Variants in PCID2 observed in about 807,000 individuals in gnomAD.
PCID2 encodes the protein PCI domain containing 2, also known as PCI domain-containing protein 2.
Under a neutral mutation model 61.3 loss-of-function variants are expected in PCID2, and 41 were observed. The ratio of observed to expected loss-of-function variants is 0.67; its 90% CI spans 0.52 to 0.87. PCID2 has a LOEUF of 0.87. PCID2 is among the 40% of genes least tolerant of loss of function. The probability of loss-of-function intolerance (pLI) is 0.00; values close to 1 mark genes in which losing one functional copy is unlikely to be tolerated. For missense variants in PCID2, 392 were observed against 493.4 expected, an observed-to-expected ratio of 0.79 and a Z score of 1.95; for synonymous variants, 187 against 177.8, an observed-to-expected ratio of 1.05 and a Z score of -0.41.
chr13:113,185,503 C>T lies in PCID2; in HGVS notation c.525G>A (p.Leu175=). The part of the protein sequence containing the change: ...KWGMLFLVNQ[L]FKIYFKINKL... ...AGCACACCTTGAAGTAGATTTTAAA[C>T]AGCTGGTTCACCAGAAACAGCATGC... The change falls in exon 8 of 14, where the codon CTG becomes CTA. Residue 175 remains leucine, a synonymous_variant. Transcript: ENST00000337344. 6.2e-7 allele frequency: 1 copy of T among 1,612,032 alleles called. No homozygotes were observed. Among genetic ancestry groups the T allele is most frequent in the Non-Finnish European group, 8.5e-7 (1 of 1,178,076 alleles).
At chr13:113,190,814 G>T in intron 7 of PCID2, 58 bp downstream of exon 7, 2 of 957,656 alleles carry the variant, frequency 2.1e-6, no homozygotes, top group Non-Finnish European at 3.3e-6. Flanking sequence ...AAGGGTGAAC[G>T]CTGCAATGAA....
At chr13:113,202,950 T>C (rs1301298030) in intron 1 of PCID2, among the ~76,000 whole-genome samples, 2 of 152,162 alleles carry the variant, frequency 1.3e-5, no homozygotes, top group East Asian at 1.9e-4. Context: ...TTTGTGGAAT[T>C]TGACTGTCCT....
chr13:113,165,080 C>G, the PCID2 span: 9 of 1,613,052 alleles, frequency 5.6e-6, no homozygotes, highest in East Asian at 2.0e-4. Flanking sequence ...GTGCTGACCT[C>G]TGAGAAGCGT....
intron 9 of PCID2, among the ~76,000 whole-genome samples, chr13:113,182,820 T>C (rs1406685092): frequency 1.3e-5 from 2 of 152,222 alleles, no homozygotes; most frequent in Non-Finnish European, 2.9e-5. Flanking sequence ...TAATGCAAGC[T>C]GAGATTTTTC....
chr13:113,177,301 C>G (rs954621904), downstream of PCID2, among the ~76,000 whole-genome samples: 14 of 152,232 alleles, frequency 9.2e-5, no homozygotes, highest in African/African-American at 1.4e-4. Flanking sequence ...CCACGCCCGG[C>G]TAATTTTGTA....
the PCID2 span, among the ~76,000 whole-genome samples, chr13:113,170,920 A>G: frequency 1.4e-5 from 2 of 144,410 alleles, no homozygotes; most frequent in South Asian, 2.5e-4. Flanking sequence ...ATCTGTGCCT[A>G]TTTCTTTCTT....
At chr13:113,176,676 T>G (rs543724524), downstream of PCID2, among the ~76,000 whole-genome samples, 8 of 152,020 alleles carry the variant, frequency 5.3e-5, no homozygotes, top group African/African-American at 1.9e-4. Context: ...GGAGGGAAGA[T>G]CACTTGAGTC....
At chr13:113,170,306 T>A in the PCID2 span, 1 of 499,788 alleles carries the variant, frequency 2.0e-6, no homozygotes, top group Admixed American at 3.2e-5. Flanking sequence ...TGGCGGGGGG[T>A]GGGGGTGGGG....
chr13:113,188,605 A>C (rs998314812), intron 7 of PCID2: 1 of 152,266 alleles, frequency 6.6e-6, no homozygotes, highest in African/African-American at 2.4e-5. Flanking sequence ...GTAAAAGGAC[A>C]AAAAGATGGC....
At chr13:113,172,209 C>T in the PCID2 span, 5 of 1,483,486 alleles carry the variant, frequency 3.4e-6, no homozygotes, top group East Asian at 2.4e-5. Flanking sequence ...ACTGAGAGGC[C>T]GTCACAGCCC....
chr13:113,184,101 G>T, intron 9 of PCID2: 2 of 806,974 alleles, frequency 2.5e-6, no homozygotes, highest in Non-Finnish European at 3.0e-6. Context: ...CATGCTCAGT[G>T]AACTCAGAAA....
intron 1 of PCID2, among the ~76,000 whole-genome samples, chr13:113,206,759 A>G (rs1259993009): frequency 6.6e-6 from 1 of 152,212 alleles, no homozygotes; most frequent in Non-Finnish European, 1.5e-5. Flanking sequence ...AATTAGGAGG[A>G]AGCGGACTTT....
intron 6 of PCID2, among the ~76,000 whole-genome samples, chr13:113,193,226 T>C (rs988933917): frequency 5.9e-5 from 9 of 152,012 alleles, no homozygotes; most frequent in Admixed American, 1.3e-4. Context: ...AGTGTAAAGG[T>C]AGAAAAAGTT....
In PCID2 at chr13:113,180,097, C is replaced by T. The variant is rs572550742; in HGVS notation, c.861-55G>A. 152 of 1,613,594 alleles carry T rather than the reference C, an allele frequency of 9.4e-5. 1 individual carries two copies. Among genetic ancestry groups the T allele is most frequent in the South Asian group, 8.0e-4 (73 of 91,070 alleles). On this transcript the variant is annotated intron_variant, in intron 11 of 13. Coordinates refer to ENST00000337344, the MANE Select transcript of PCID2 (RefSeq NM_001127202.4). Reference sequence around the variant, plus strand: ...GGGTGAGTTTCTCACAGAGCGTGCACGTCAACTCTCATCAGGCTTGCATTT... The same window carrying T: ...GGGTGAGTTTCTCACAGAGCGTGCATGTCAACTCTCATCAGGCTTGCATTT...
intron 1 of PCID2, chr13:113,208,018 A>C: frequency 1.2e-6 from 2 of 1,610,996 alleles, no homozygotes; most frequent in Non-Finnish European, 1.7e-6. Context: ...TGCTTCTGCT[A>C]CTTACAAGCT....
At chr13:113,182,553 G>A (rs1439028709) in intron 9 of PCID2, among the ~76,000 whole-genome samples, 2 of 152,150 alleles carry the variant, frequency 1.3e-5, no homozygotes, top group African/African-American at 4.8e-5. Flanking sequence ...AAGCTGGAGT[G>A]CAGTGGCGCG....
intron 3 of PCID2, among the ~76,000 whole-genome samples, chr13:113,197,917 C>T (rs956868967): frequency 1.5e-4 from 23 of 152,176 alleles, no homozygotes; most frequent in Non-Finnish European, 2.9e-4. Flanking sequence ...CATATTTCCA[C>T]GAAAAGGGTA....
chr13:113,170,313 G>C, the PCID2 span: 1 of 721,514 alleles, frequency 1.4e-6, no homozygotes, highest in Non-Finnish European at 2.5e-6. Context: ...GGGTGGGGGT[G>C]GGGGTGGGGG....
At chr13:113,173,028 C>T (rs1243341210), downstream of PCID2, among the ~76,000 whole-genome samples, 4 of 152,196 alleles carry the variant, frequency 2.6e-5, no homozygotes, top group South Asian at 6.2e-4. Context: ...GCTCTGCCAG[C>T]CCCTTCCATC....
Sources: gnomAD v4.1 joint callset for allele counts (sites outside exome capture counted in the v4.1 genomes callset) on GRCh38, gnomAD v4.1.1 for gene constraint, MANE v1.5 for transcripts, NCBI Gene and HGNC (gene_info 2026-07-23, HGNC 2026-07-21) for gene names.